The following ATRX variants were observed in gnomAD, a reference collection of about 807,000 sequenced individuals.
ATRX encodes chromatin remodeler ATRX.
A neutral mutation model predicts 172.6 loss-of-function variants in ATRX; 12 were observed. That is an observed-to-expected ratio of 0.07 (90% CI 0.04 to 0.11). The LOEUF (loss-of-function observed/expected upper bound fraction) is 0.11, where lower values mean the gene tolerates loss of function less well. Among genes scored for constraint, ATRX ranks in the 10% least tolerant of loss-of-function variants. The pLI, the probability that ATRX is intolerant of heterozygous loss-of-function variation, is 1.00. For synonymous variants in ATRX, 674 were observed against 594.7 expected, an observed-to-expected ratio of 1.13 and a Z score of -1.94; for missense variants, 1,368 against 1,767.4, an observed-to-expected ratio of 0.77 and a Z score of 4.05.
intron 19 of ATRX, 80 bp downstream of exon 19, chrX:77,633,127 G>C: frequency 1.0e-6 from 1 of 982,497 alleles, no homozygotes; most frequent in Non-Finnish European, 1.4e-6. Context: ...CTTAGTAGCT[G>C]TGCAATTACT....
intron 30 of ATRX, among the ~76,000 whole-genome samples, chrX:77,553,918 G>A (rs1406965287): frequency 1.8e-5 from 2 of 111,763 alleles, no homozygotes; most frequent in Non-Finnish European, 3.8e-5. Context: ...ACTTATTTAT[G>A]AGTGTATCCT....
At position 77,621,302 on chromosome X, in the gene ATRX, TTTTTC is replaced by T. The variant is rs1192706778; in HGVS notation, c.5135-775_5135-771del. 2.1e-4 allele frequency among the ~76,000 whole-genome samples: 23 copies of T among 111,743 alleles called. No individual in the cohort carries two copies. In the South Asian group the frequency reaches 3.7e-3, roughly 18 times the overall value. The stretch of plus-strand genomic sequence containing the variant: ...ATTTGTTAAAATAACATACATATTT[TTTTTC>T]TTTTCTTTTCTTTTTTATTTGAGAT... On this transcript the variant is annotated intron_variant, in intron 19 of 34. Transcript: ENST00000373344.
chrX:77,548,955 T>A (rs1557054471), intron 30 of ATRX, among the ~76,000 whole-genome samples: 1 of 112,321 alleles, frequency 8.9e-6, no homozygotes, highest in Non-Finnish European at 1.9e-5. Flanking sequence ...ACATACGTAG[T>A]CCAGTGCTGG....
chrX:77,651,791 A>T (rs2069256518), intron 15 of ATRX, among the ~76,000 whole-genome samples: 1 of 111,701 alleles, frequency 9.0e-6, no homozygotes, highest in African/African-American at 3.3e-5. Context: ...CCCAGGAGGC[A>T]AAGGTTGCAG....
rs782796279 is a variant in ATRX, at chrX:77,682,376, G to A, written c.2880C>T (p.Gly960=). ...KTKTCKKVQD[G]LSDIAEKFLK... is the part of the protein sequence containing the mutation. ...GGAATTTCTCTGCAATATCAGATAA[G>A]CCATCCTGTACTTTTTTACATGTTT... is the stretch of plus-strand genomic sequence containing the variant. Residue 960 remains glycine (G), a synonymous_variant, in exon 9 of 35, where the codon GGC becomes GGT. Coordinates refer to ENST00000373344, the MANE Select transcript of ATRX (RefSeq NM_000489.6). 7 of 1,209,274 alleles carry A rather than the reference G, an allele frequency of 5.8e-6. No homozygotes were observed. The East Asian group carries it at 1.8e-4, about 31-fold the overall frequency.
In ATRX at chrX:77,684,428, C is replaced by G. The variant is rs2148636995; in HGVS notation, c.828G>C (p.Leu276Phe). The G allele has an allele frequency of 8.3e-7, 1 of 1,211,587 alleles. No homozygotes were observed. Among genetic ancestry groups the G allele is most frequent in the Non-Finnish European group, 1.1e-6 (1 of 895,312 alleles). The change falls in exon 9 of 35, where the codon TTG becomes TTC. Residue 276 changes from leucine to phenylalanine, a missense_variant. Coordinates refer to ENST00000373344, the MANE Select transcript of ATRX (RefSeq NM_000489.6). ...YICHPEPLLD[L>F]VTACNSVFEN... The stretch of plus-strand genomic sequence containing the variant: ...CAAATACGCTGTTACATGCAGTGAC[C>G]AAGTCCAACAAAGGCTCTGGGTGAC...
intron 14 of ATRX, 135 bp from the exon 15 acceptor site, chrX:77,652,488 G>T: frequency 5.7e-6 from 3 of 522,004 alleles, no homozygotes; most frequent in South Asian, 3.3e-5. Flanking sequence ...TTCAGCAATA[G>T]AGTAGTATTA....
At chrX:77,781,985 C>A (rs2076585637) in intron 1 of ATRX, among the ~76,000 whole-genome samples, 1 of 112,021 alleles carries the variant, frequency 8.9e-6, no homozygotes, top group South Asian at 3.7e-4. Context: ...CTACATTTAT[C>A]TTATCTCTAG....
chrX:77,574,192 T>C (rs2065523648), intron 28 of ATRX, 58 bp downstream of exon 28: 3 of 812,164 alleles, frequency 3.7e-6, no homozygotes, highest in East Asian at 3.4e-5. Flanking sequence ...GTGAACTTTA[T>C]GTAAATTTTA....
intron 1 of ATRX, among the ~76,000 whole-genome samples, chrX:77,775,678 C>T (rs956832568): frequency 4.6e-5 from 5 of 109,780 alleles, no homozygotes; most frequent in Non-Finnish European, 7.6e-5. Context: ...GAGTAACAGC[C>T]TATCTCAGAA....
intron 15 of ATRX, among the ~76,000 whole-genome samples, chrX:77,649,805 C>A (rs2069118056): frequency 8.9e-6 from 1 of 112,207 alleles, no homozygotes; most frequent in South Asian, 3.7e-4. Context: ...CCACATGGAA[C>A]TATAAGTCCA....
chrX:77,653,284 T>C (rs1603091488), intron 14 of ATRX, among the ~76,000 whole-genome samples: 2 of 111,561 alleles, frequency 1.8e-5, no homozygotes, highest in Non-Finnish European at 3.8e-5. Context: ...AGCCGAAAGG[T>C]AGAAACAACC....
intron 2 of ATRX, among the ~76,000 whole-genome samples, chrX:77,714,166 C>T (rs2073250039): frequency 9.1e-6 from 1 of 110,450 alleles, no homozygotes; most frequent in African/African-American, 3.3e-5. Flanking sequence ...GGGGTCTTGG[C>T]CAATAGTGAG....
At chrX:77,542,474 C>T (rs1463574037) in intron 30 of ATRX, among the ~76,000 whole-genome samples, 1 of 111,714 alleles carries the variant, frequency 9.0e-6, no homozygotes, top group African/African-American at 3.3e-5. Context: ...CTACTCTAAA[C>T]TTCAAATGGA....
At chrX:77,607,151 A>G (rs1219484898) in intron 22 of ATRX, among the ~76,000 whole-genome samples, 1 of 112,012 alleles carries the variant, frequency 8.9e-6, no homozygotes, top group Non-Finnish European at 1.9e-5. Flanking sequence ...CAAAGAAGAT[A>G]AAGAAATAAA....
chrX:77,599,189 T>C lies in ATRX; in HGVS notation c.5956+222A>G, dbSNP rs781990485. Reference sequence around the variant, plus strand: ...ATACAAGTAAATAAACATTAGTTTTTCTTTTTACCTTTCCCCCAAATACCA... The same window carrying C: ...ATACAAGTAAATAAACATTAGTTTTCCTTTTTACCTTTCCCCCAAATACCA... On this transcript the variant is annotated intron_variant, in intron 25 of 34. Transcript: ENST00000373344. 3.6e-5 allele frequency among the ~76,000 whole-genome samples: 4 copies of C among 112,066 alleles called. No homozygotes were observed. The South Asian group carries it at 1.5e-3, about 42-fold the overall frequency.
At chrX:77,553,769 C>T (rs1175311072) in intron 30 of ATRX, among the ~76,000 whole-genome samples, 2 of 111,888 alleles carry the variant, frequency 1.8e-5, no homozygotes, top group East Asian at 2.8e-4. Context: ...CAATATCCAT[C>T]CCAAACTTTC....
intron 1 of ATRX, among the ~76,000 whole-genome samples, chrX:77,719,220 C>T (rs782315565): frequency 9.0e-6 from 1 of 111,099 alleles, no homozygotes; most frequent in East Asian, 2.8e-4. Flanking sequence ...GGTCTGGTAA[C>T]CAGAATACAT....
At chrX:77,665,093 C>T (rs1026581321) in intron 10 of ATRX, among the ~76,000 whole-genome samples, 1 of 112,342 alleles carries the variant, frequency 8.9e-6, no homozygotes, top group African/African-American at 3.2e-5. Context: ...CCTCTATTTG[C>T]TTTGCTGACA....
Sources: gnomAD v4.1 joint callset for allele counts (sites outside exome capture counted in the v4.1 genomes callset) on GRCh38, gnomAD v4.1.1 for gene constraint, MANE v1.5 for transcripts, NCBI Gene and HGNC (gene_info 2026-07-23, HGNC 2026-07-21) for gene names.